LOXL2: variants seen among roughly 807,000 people sequenced by gnomAD.
LOXL2 encodes lysyl oxidase homolog 2.
A neutral mutation model predicts 93.0 loss-of-function variants in LOXL2; 70 were observed. The ratio of observed to expected loss-of-function variants is 0.75; its 90% CI spans 0.62 to 0.92. LOXL2 has a LOEUF of 0.92. Ranked by LOEUF, LOXL2 falls within the 40% of genes least tolerant of loss-of-function variation. LOXL2 has a pLI of 0.00. For missense variants in LOXL2, 973 were observed against 1,054.9 expected (o/e 0.92, Z 1.08); for synonymous variants, 438 against 413.2 (o/e 1.06, Z -0.73).
chr8:23,353,018 G>C (rs1242673853), intron 3 of LOXL2, among the ~76,000 whole-genome samples: 1 of 135,116 alleles, frequency 7.4e-6, no homozygotes, highest in East Asian at 2.4e-4. Flanking sequence ...GGGAGGGGTG[G>C]AGTGGGGTGG....
intron 1 of LOXL2, among the ~76,000 whole-genome samples, chr8:23,375,936 C>T (rs1045924913): frequency 6.6e-6 from 1 of 151,964 alleles, no homozygotes; most frequent in African/African-American, 2.4e-5. Context: ...TTATTTTTTT[C>T]TCCTGCCTGA....
intron 5 of LOXL2, among the ~76,000 whole-genome samples, chr8:23,330,025 TA>T (rs888196929): frequency 6.6e-6 from 1 of 151,190 alleles, no homozygotes; most frequent in Non-Finnish European, 1.5e-5. Flanking sequence ...ACCCTAGCTT[TA>T]AAAAAAAACC....
At chr8:23,387,128 A>C (rs1804777128) in intron 1 of LOXL2, among the ~76,000 whole-genome samples, 1 of 152,242 alleles carries the variant, frequency 6.6e-6, no homozygotes, top group African/African-American at 2.4e-5. Flanking sequence ...GACTGCCAGG[A>C]AAAGTTGGTT....
intron 5 of LOXL2, among the ~76,000 whole-genome samples, chr8:23,330,417 A>T (rs1233071994): frequency 6.6e-6 from 1 of 152,132 alleles, no homozygotes; most frequent in East Asian, 1.9e-4. Context: ...GGCTGGCTGC[A>T]ACCTCTGTTT....
At chr8:23,347,350 C>T (rs558922587) in intron 3 of LOXL2, among the ~76,000 whole-genome samples, 1 of 151,488 alleles carries the variant, frequency 6.6e-6, no homozygotes, top group African/African-American at 2.4e-5. Flanking sequence ...GAGCAAGACT[C>T]TATCTCAAAA....
At chr8:23,389,547 A>G (rs984735333) in intron 1 of LOXL2, among the ~76,000 whole-genome samples, 1 of 152,218 alleles carries the variant, frequency 6.6e-6, no homozygotes, top group Non-Finnish European at 1.5e-5. Context: ...CCATGTGACT[A>G]ACTGATTCCT....
intron 3 of LOXL2, among the ~76,000 whole-genome samples, chr8:23,348,234 C>T (rs1791780998): frequency 7.9e-6 from 1 of 125,906 alleles, no homozygotes; most frequent in African/African-American, 3.2e-5. Context: ...GGGAGGGGAA[C>T]ATCACACACC....
chr8:23,363,296 G>C (rs899507114), intron 2 of LOXL2: 2 of 152,238 alleles, frequency 1.3e-5, no homozygotes, highest in East Asian at 3.8e-4. Context: ...AAACGTGTCT[G>C]TTCTCACGGC....
intron 1 of LOXL2, among the ~76,000 whole-genome samples, chr8:23,382,672 A>C (rs1804697459): frequency 6.6e-6 from 1 of 152,080 alleles, no homozygotes; most frequent in African/African-American, 2.4e-5. Flanking sequence ...CTAGGTGAAC[A>C]AGACTATTAT....
intron 10 of LOXL2, among the ~76,000 whole-genome samples, chr8:23,307,428 A>G (rs946270725): frequency 6.6e-6 from 1 of 152,180 alleles, no homozygotes; most frequent in Non-Finnish European, 1.5e-5. Flanking sequence ...TCTGTAAACA[A>G]AGAAATAAAA....
At chr8:23,319,175 G>T (rs996867240) in intron 8 of LOXL2, among the ~76,000 whole-genome samples, 1 of 152,148 alleles carries the variant, frequency 6.6e-6, no homozygotes, top group African/African-American at 2.4e-5. Context: ...GACAACTGAG[G>T]CAGGGAAGGG....
intron 7 of LOXL2, 107 bp from the exon 8 acceptor site, chr8:23,320,159 C>G (rs570454564): frequency 4.5e-4 from 525 of 1,168,996 alleles, no homozygotes; most frequent in Non-Finnish European, 3.6e-4. Flanking sequence ...GTGGTGCTGC[C>G]CGGGACACAC....
chr8:23,383,657 G>GTTTT (rs968347697), intron 1 of LOXL2, among the ~76,000 whole-genome samples: 27 of 22,268 alleles, frequency 1.2e-3, no homozygotes, highest in East Asian at 2.9e-3. Flanking sequence ...TTTTTTTTTT[G>GTTTT]TTTTTTTTTT....
chr8:23,342,470 C>A (rs1451694845), intron 3 of LOXL2, among the ~76,000 whole-genome samples: 2 of 147,166 alleles, frequency 1.4e-5, no homozygotes, highest in Non-Finnish European at 3.0e-5. Flanking sequence ...CTCGCTCTGT[C>A]GCCCAGGCTG....
intron 3 of LOXL2, among the ~76,000 whole-genome samples, chr8:23,355,512 CT>C (rs58824822): frequency 0.091 from 7,215 of 79,162 alleles, 174 homozygotes; most frequent in Non-Finnish European, 0.11. Flanking sequence ...TTGACATTCA[CT>C]TTTTTTTTTT....
intron 1 of LOXL2, among the ~76,000 whole-genome samples, chr8:23,399,967 C>A (rs1446787595): frequency 1.3e-5 from 2 of 152,242 alleles, no homozygotes; most frequent in Non-Finnish European, 2.9e-5. Context: ...CTGCCTCTAA[C>A]TGGCTATTTT....
chr8:23,375,924 C>T (rs1215439763), intron 1 of LOXL2, among the ~76,000 whole-genome samples: 1 of 152,124 alleles, frequency 6.6e-6, no homozygotes, highest in Non-Finnish European at 1.5e-5. Flanking sequence ...ATTGAATACC[C>T]TTTATTTTTT....
chr8:23,368,260 G>A lies in LOXL2; in HGVS notation c.92C>T (p.Pro31Leu). 1 of 1,613,900 alleles carries A rather than the reference G, an allele frequency of 6.2e-7. No homozygotes were observed. The highest frequency in any genetic ancestry group is 8.5e-7 in the Non-Finnish European group (1 of 1,180,020). ...TTGCTGGAAGTACTCGGGGTAATGG[G>A]GCCAGCTGTCATACTGTGCCAGGCT... ...PLSLAQYDSW[P>L]HYPEYFQQPA... Residue 31 changes from proline (P) to leucine (L), a missense_variant, in exon 2 of 14, where the codon CCC becomes CTC. Pro to Leu is a moderately conservative substitution (Grantham distance 98). Coordinates refer to ENST00000389131, the MANE Select transcript of LOXL2 (RefSeq NM_002318.3).
chr8:23,387,979 G>A (rs1355041432), intron 1 of LOXL2, among the ~76,000 whole-genome samples: 1 of 152,048 alleles, frequency 6.6e-6, no homozygotes, highest in Non-Finnish European at 1.5e-5. Flanking sequence ...CTTTTTTAAG[G>A]AAAAATATGA....
Sources: allele counts gnomAD v4.1 joint callset (sites outside exome capture counted in the v4.1 genomes callset), GRCh38; gene constraint gnomAD v4.1.1; transcripts MANE v1.5; gene names NCBI Gene and HGNC (gene_info 2026-07-23, HGNC 2026-07-21).